CEP290: variants seen among roughly 807,000 people sequenced by gnomAD.
CEP290 encodes centrosomal protein 290.
Under a neutral mutation model 344.9 loss-of-function variants are expected in CEP290, and 317 were observed. The observed-to-expected ratio is 0.92, with a 90% CI of 0.84 to 1.01. CEP290 has a LOEUF of 1.01. Ranked by LOEUF, CEP290 falls within the 50% of genes least tolerant of loss-of-function variation. The probability of loss-of-function intolerance (pLI) is 0.00; values close to 1 mark genes in which losing one functional copy is unlikely to be tolerated. For synonymous variants in CEP290, 932 were observed against 895.8 expected, an observed-to-expected ratio of 1.04 and a Z score of -0.72; for missense variants, 2,754 against 2,761.4, an observed-to-expected ratio of 1.00 and a Z score of 0.06.
At position 88,083,077 on chromosome 12, in the gene CEP290, C is replaced by A. The variant is rs62638179; in HGVS notation, c.4966G>T (p.Glu1656Ter). The A allele has an allele frequency of 1.6e-4, 242 of 1,524,266 alleles. No individual in the cohort carries two copies. Among genetic ancestry groups the A allele is most frequent in the Non-Finnish European group, 2.0e-4 (231 of 1,135,980 alleles). 94.4% of individuals were successfully genotyped at this position (1,524,266 alleles called of 1,614,324 possible). The part of the protein sequence containing the change: ...KVSQDLERQR[E>*]ITELKVKEFE... ...TCTTTTACTTTTAATTCAGTGATTT[C>A]TCTTTGTCTCTCCAAATCTTGTGAT... Residue 1656 changes from glutamate (E) to a stop codon, truncating the protein, a stop_gained, in exon 37 of 54, where the codon GAA becomes TAA. Transcript: ENST00000552810. LOFTEE classifies it high-confidence loss of function.
At chr12:88,096,261 C>T (rs777084698) in intron 27 of CEP290, among the ~76,000 whole-genome samples, 8 of 152,216 alleles carry the variant, frequency 5.3e-5, no homozygotes, top group Non-Finnish European at 8.8e-5. Flanking sequence ...GTTGGCCAGG[C>T]TGGTCTCGAA....
intron 25 of CEP290, among the ~76,000 whole-genome samples, chr12:88,104,919 G>A (rs138474615): frequency 2.0e-5 from 3 of 151,962 alleles, no homozygotes; most frequent in South Asian, 2.1e-4. Flanking sequence ...GTAAAAATCC[G>A]ATACTATTTA....
In CEP290 at chr12:88,125,262, C is replaced by T; in HGVS notation, c.1173G>A (p.Glu391=). The change falls in exon 13 of 54, where the codon GAG becomes GAA. Residue 391 remains glutamate (E), a synonymous_variant. Coordinates refer to ENST00000552810, the MANE Select transcript of CEP290 (RefSeq NM_025114.4). The stretch of plus-strand genomic sequence containing the variant: ...TAAAAATACCTTTGTTTCTTTGGAG[C>T]TCATTTTTCAAATCTTCAATAATAC... ...NTCIIEDLKN[E]LQRNKGASTL... is the part of the protein sequence containing the mutation. 1.1e-6 allele frequency: 1 copy of T among 873,168 alleles called. No individual in the cohort carries two copies. The highest frequency in any genetic ancestry group is 1.6e-6 in the Non-Finnish European group (1 of 614,336). 54.1% of individuals were successfully genotyped at this position (873,168 alleles called of 1,614,324 possible). A position where few individuals can be genotyped will look rare whatever the true frequency, so the allele number is the denominator to read the frequency against.
intron 50 of CEP290, among the ~76,000 whole-genome samples, chr12:88,055,172 A>G (rs2033895924): frequency 6.6e-6 from 1 of 152,106 alleles, no homozygotes; most frequent in Non-Finnish European, 1.5e-5. Context: ...TAAAAGGGTT[A>G]CCTGGCAACT....
rs2033239324 is a variant in CEP290 at position 88,049,287 on chromosome 12, T to C, written c.7337A>G (p.Lys2446Arg). 1.2e-6 allele frequency: 2 copies of C among 1,608,220 alleles called. No individual in the cohort carries two copies. The highest frequency in any genetic ancestry group is 1.7e-6 in the Non-Finnish European group (2 of 1,176,600). The stretch of plus-strand genomic sequence containing the variant: ...AACTCCCAATTGTTCTGAAAGTTTT[T>C]TTACCTTCTCTTCTAAGAGAATATT... ...KKNILLEEKV[K>R]KLSEQLGVEL... The change falls in exon 54 of 54, where the codon AAA becomes AGA. Residue 2446 changes from lysine to arginine, a missense_variant. By Grantham distance (26) the Lys-to-Arg change is conservative. Transcript: ENST00000552810.
chr12:88,117,835 G>A (rs2039147233), intron 17 of CEP290, among the ~76,000 whole-genome samples: 1 of 152,088 alleles, frequency 6.6e-6, no homozygotes, highest in Non-Finnish European at 1.5e-5. Flanking sequence ...AGGAGTTCAA[G>A]ACCAGCCTGG....
At chr12:88,113,082 G>A (rs949414128) in intron 20 of CEP290, among the ~76,000 whole-genome samples, 4 of 152,102 alleles carry the variant, frequency 2.6e-5, no homozygotes, top group Admixed American at 6.5e-5. Context: ...TTTCAGATAG[G>A]GCCTATGAAT....
chr12:88,071,922 G>T lies in CEP290; in HGVS notation c.5714C>A (p.Ala1905Asp). 1 of 1,583,684 alleles carries T rather than the reference G, an allele frequency of 6.3e-7. No individual in the cohort carries two copies. Among genetic ancestry groups the T allele is most frequent in the Non-Finnish European group, 8.6e-7 (1 of 1,168,834 alleles). ...VDLKPMKEKN[A>D]KEELIRWEEG... ...TTCCCACCTAATTAATTCTTCTTTA[G>T]CATTCTGTAACAATAACGAAGGAGG... The change falls in exon 42 of 54, where the codon GCT becomes GAT. Residue 1905 changes from alanine (A) to aspartate (D), a missense_variant. Coordinates refer to ENST00000552810, the MANE Select transcript of CEP290 (RefSeq NM_025114.4).
chr12:88,113,678 A>G (rs1470090520), intron 20 of CEP290, among the ~76,000 whole-genome samples: 4 of 152,040 alleles, frequency 2.6e-5, no homozygotes, highest in Non-Finnish European at 4.4e-5. Context: ...TAAAATGTGT[A>G]TATTATTCAA....
intron 6 of CEP290, among the ~76,000 whole-genome samples, chr12:88,134,361 C>T (rs895750453): frequency 6.6e-6 from 1 of 152,224 alleles, no homozygotes; most frequent in African/African-American, 2.4e-5. Context: ...ATTAGCACTT[C>T]CCTGAATTAA....
rs895126773 is a variant in CEP290 at position 88,118,666 on chromosome 12, C to T, written c.1600G>A (p.Glu534Lys). Residue 534 changes from glutamate (E) to lysine (K), a missense_variant, in exon 16 of 54, where the codon GAA becomes AAA. Glu to Lys is a moderately conservative substitution (Grantham distance 56). Transcript: ENST00000552810. ...GCCTCTTTCAAAAGAATCTGGTTTT[C>T]AGCTCTGTACTGCTGCTGTTTTAAG... is the stretch of plus-strand genomic sequence containing the variant. Reference protein sequence around the residue: ...KHLKQQQYRAENQILLKEIES... With the variant: ...KHLKQQQYRAKNQILLKEIES... The T allele has an allele frequency of 5.6e-6, 9 of 1,613,394 alleles. No individual in the cohort carries two copies. Among genetic ancestry groups the T allele is most frequent in the Non-Finnish European group, 7.6e-6 (9 of 1,179,706 alleles).
chr12:88,085,902 A>G, intron 34 of CEP290, 137 bp downstream of exon 34: 3 of 786,662 alleles, frequency 3.8e-6, no homozygotes, highest in Non-Finnish European at 5.8e-6. Context: ...TAGAAACATT[A>G]TAGGAGAATA....
intron 50 of CEP290, 105 bp downstream of exon 50, chr12:88,055,471 G>T: frequency 1.0e-6 from 1 of 977,530 alleles, no homozygotes; most frequent in Non-Finnish European, 1.4e-6. Flanking sequence ...TCAGTTAGAT[G>T]GGTCTTCTTA....
Position 88,077,207 on chromosome 12 carries a change from T to C in CEP290, c.5709+15A>G. On this transcript the variant is annotated intron_variant, in intron 41 of 53. Transcript: ENST00000552810. Reference sequence around the variant, plus strand: ...ACTACCTTAAGCATATAAGTCAGTATGTTTCTTCACATACCTTTTCTTTCA... The same window carrying C: ...ACTACCTTAAGCATATAAGTCAGTACGTTTCTTCACATACCTTTTCTTTCA... The C allele has an allele frequency of 1.9e-6, 3 of 1,598,368 alleles. No homozygotes were observed. The highest frequency in any genetic ancestry group is 2.6e-6 in the Non-Finnish European group (3 of 1,174,894).
At chr12:88,118,159 A>G (rs148147068) in intron 17 of CEP290, among the ~76,000 whole-genome samples, 9 of 152,112 alleles carry the variant, frequency 5.9e-5, no homozygotes, top group African/African-American at 2.2e-4. Flanking sequence ...AAGTTTTATT[A>G]TTATTAATAA....
At chr12:88,121,298 T>C (rs2039386033) in intron 13 of CEP290, 132 bp from the exon 14 acceptor site, 1 of 661,594 alleles carries the variant, frequency 1.5e-6, no homozygotes, top group Non-Finnish European at 2.5e-6. Context: ...TTTATATTTG[T>C]AAGATGAAAG....
intron 6 of CEP290, among the ~76,000 whole-genome samples, chr12:88,135,029 C>T (rs2040277996): frequency 6.6e-6 from 1 of 152,088 alleles, no homozygotes; most frequent in South Asian, 2.1e-4. Context: ...AGAATATGAC[C>T]TTATGTATCT....
At chr12:88,090,630 G>A (rs1235413958) in intron 30 of CEP290, 98 bp downstream of exon 30, 22 of 781,940 alleles carry the variant, frequency 2.8e-5, no homozygotes, top group Non-Finnish European at 3.6e-5. Flanking sequence ...ACCCTATCTC[G>A]AAACAAACAA....
chr12:88,098,142 T>C (rs192877866), intron 26 of CEP290, among the ~76,000 whole-genome samples: 105 of 146,956 alleles, frequency 7.1e-4, no homozygotes, highest in Middle Eastern at 8.3e-3. Context: ...AACATAGTGC[T>C]AAAAATACAA....
Sources: gnomAD v4.1 joint callset for allele counts (sites outside exome capture counted in the v4.1 genomes callset) on GRCh38, gnomAD v4.1.1 for gene constraint, MANE v1.5 for transcripts, NCBI Gene and HGNC (gene_info 2026-07-23, HGNC 2026-07-21) for gene names.